WWOX: variants seen among roughly 807,000 people sequenced by gnomAD.
WWOX encodes WW domain-containing oxidoreductase.
Under a neutral mutation model 46.2 loss-of-function variants are expected in WWOX, and 69 were observed. The ratio of observed to expected loss-of-function variants is 1.49; its 90% CI spans 1.23 to 1.82. WWOX has a LOEUF of 1.82. Among genes scored for constraint, WWOX ranks in the 40% most tolerant of loss-of-function variants. The pLI, the probability that WWOX is intolerant of heterozygous loss-of-function variation, is 0.00. For synonymous variants in WWOX, 359 were observed against 202.6 expected (o/e 1.77, Z -6.56); for missense variants, 919 against 542.6 (o/e 1.69, Z -6.89).
intron 8 of WWOX, among the ~76,000 whole-genome samples, chr16:78,858,551 A>T (rs1299972414): frequency 3.9e-5 from 6 of 152,124 alleles, no homozygotes; most frequent in Non-Finnish European, 5.9e-5. Flanking sequence ...GATAAACAGT[A>T]ATTATAAATA....
At position 79,017,696 on chromosome 16, in the gene WWOX, T is replaced by C. The variant is rs561910048; in HGVS notation, c.1057-193912T>C. ...TTGAATTCCATATGTCATGAAATTA[T>C]ATTTTTTTGATTTTTTTTTTCATAA... On this transcript the variant is annotated intron_variant, in intron 8 of 8. Transcript: ENST00000566780. Among the ~76,000 whole-genome samples, 54 of 152,294 alleles carry C rather than the reference T, an allele frequency of 3.5e-4. No homozygotes were observed. The Middle Eastern group carries it at 0.017, about 48-fold the overall frequency.
chr16:78,818,511 A>G (rs938281119), intron 8 of WWOX, among the ~76,000 whole-genome samples: 2 of 152,218 alleles, frequency 1.3e-5, no homozygotes, highest in African/African-American at 4.8e-5. Context: ...CAAGAGGATC[A>G]CTTGAAGCCA....
Position 78,672,103 on chromosome 16 carries a change from T to G in WWOX, c.1056+239351T>G, listed in dbSNP as rs1034144270. Among the ~76,000 whole-genome samples, 4 of 152,214 alleles carry G rather than the reference T, an allele frequency of 2.6e-5. No individual in the cohort carries two copies. In the East Asian group the frequency reaches 7.7e-4, roughly 29 times the overall value. On this transcript the variant is annotated intron_variant, in intron 8 of 8. Transcript: ENST00000566780. The stretch of plus-strand genomic sequence containing the variant: ...ATCTTACTTCACAACTCTCCACTTT[T>G]GTAAAAGTTTAGGATACCGGCAGGG...
At chr16:79,025,373 G>C (rs1411088475) in intron 8 of WWOX, among the ~76,000 whole-genome samples, 1 of 152,228 alleles carries the variant, frequency 6.6e-6, no homozygotes. Flanking sequence ...GGTCTTTGCA[G>C]ATAAGTTCAG....
At chr16:78,445,391 T>C (rs546803964) in intron 8 of WWOX, among the ~76,000 whole-genome samples, 1 of 152,318 alleles carries the variant, frequency 6.6e-6, no homozygotes, top group East Asian at 1.9e-4. Flanking sequence ...ACAAATATTA[T>C]TGAGCATCTA....
chr16:78,509,082 G>T (rs1186416662), intron 8 of WWOX, among the ~76,000 whole-genome samples: 2 of 152,258 alleles, frequency 1.3e-5, no homozygotes, highest in Non-Finnish European at 2.9e-5. Flanking sequence ...ACTGTTTCCA[G>T]TGTGCAGTGA....
intron 5 of WWOX, among the ~76,000 whole-genome samples, chr16:78,338,860 G>A (rs9924784): frequency 0.23 from 27,172 of 118,690 alleles, 8,724 homozygotes; most frequent in African/African-American, 0.38. Context: ...AGAGTTTAAA[G>A]TTAGTCAGGT....
At chr16:78,138,273 A>G (rs2033869094) in intron 4 of WWOX, among the ~76,000 whole-genome samples, 8 of 150,924 alleles carry the variant, frequency 5.3e-5, no homozygotes, top group South Asian at 2.1e-4. Context: ...TTTTTAGTTT[A>G]ATTAAAATTA....
intron 8 of WWOX, chr16:78,551,622 G>A (rs532430374): frequency 6.6e-6 from 1 of 152,350 alleles, no homozygotes; most frequent in East Asian, 1.9e-4. Flanking sequence ...CCCTCGGCGG[G>A]AGGCAGGCAC....
intron 5 of WWOX, among the ~76,000 whole-genome samples, chr16:78,233,524 A>ATTT (rs36007148): frequency 1.1e-3 from 135 of 125,954 alleles, no homozygotes; most frequent in East Asian, 3.0e-3. Context: ...TGATGATTAA[A>ATTT]TTTTTTTTTT....
chr16:78,154,595 C>T (rs922571803), intron 4 of WWOX, among the ~76,000 whole-genome samples: 1 of 146,564 alleles, frequency 6.8e-6, no homozygotes. Context: ...TCTGCTGCCA[C>T]TCAGTGACAT....
intron 8 of WWOX, among the ~76,000 whole-genome samples, chr16:79,040,152 T>A (rs2047942681): frequency 6.6e-6 from 1 of 152,130 alleles, no homozygotes; most frequent in African/African-American, 2.4e-5. Context: ...GAATGGATCC[T>A]GGCATAAAAA....
intron 8 of WWOX, among the ~76,000 whole-genome samples, chr16:78,916,920 T>C (rs2045265052): frequency 6.6e-6 from 1 of 152,136 alleles, no homozygotes; most frequent in African/African-American, 2.4e-5. Context: ...GGGGATCAGG[T>C]AAAGCTTGAC....
chr16:78,713,547 A>G (rs1035124696), intron 8 of WWOX, among the ~76,000 whole-genome samples: 8 of 152,126 alleles, frequency 5.3e-5, no homozygotes, highest in African/African-American at 1.9e-4. Context: ...GGTTGCTTGG[A>G]TGGTCCCTAA....
rs190188497 is a variant in WWOX at position 78,756,971 on chromosome 16, C to G, written c.1056+324219C>G. ...CCAGCTGCCATGTTGGGAGGATACT[C>G]AAGCATACCCGTGTAGAAGAACTGA... is the stretch of plus-strand genomic sequence containing the variant. On this transcript the variant is annotated intron_variant, in intron 8 of 8. Transcript: ENST00000566780. 40 of 702,980 alleles carry G rather than the reference C, an allele frequency of 5.7e-5. No individual in the cohort carries two copies. The Admixed American group carries it at 8.0e-4, about 14-fold the overall frequency. 43.5% of individuals were successfully genotyped at this position (702,980 alleles called of 1,614,324 possible).
chr16:78,753,488 A>G (rs2049540000), intron 8 of WWOX, among the ~76,000 whole-genome samples: 1 of 151,998 alleles, frequency 6.6e-6, no homozygotes, highest in African/African-American at 2.4e-5. Context: ...GCAGAGTTTT[A>G]GTGCATTATA....
chr16:78,781,636 A>T, intron 8 of WWOX, among the ~76,000 whole-genome samples: 1 of 152,152 alleles, frequency 6.6e-6, no homozygotes, highest in East Asian at 1.9e-4. Context: ...AGACATGAAT[A>T]TTGGGCCGGG....
intron 8 of WWOX, among the ~76,000 whole-genome samples, chr16:79,175,334 C>T (rs2050779544): frequency 6.6e-6 from 1 of 152,192 alleles, no homozygotes; most frequent in Non-Finnish European, 1.5e-5. Flanking sequence ...CTGACCTTTT[C>T]ACTTACTGTA....
intron 8 of WWOX, among the ~76,000 whole-genome samples, chr16:79,107,410 T>C (rs183060306): frequency 1.9e-4 from 29 of 152,368 alleles, no homozygotes; most frequent in Non-Finnish European, 2.8e-4. Flanking sequence ...TTATTTGTTA[T>C]TTTTGTTCTC....
Sources: allele counts gnomAD v4.1 joint callset (sites outside exome capture counted in the v4.1 genomes callset), GRCh38; gene constraint gnomAD v4.1.1; transcripts MANE v1.5; gene names NCBI Gene and HGNC (gene_info 2026-07-23, HGNC 2026-07-21).